Variants in LRRC7 observed in about 807,000 individuals in gnomAD.
LRRC7 encodes leucine-rich repeat-containing protein 7.
Under a neutral mutation model 175.7 loss-of-function variants are expected in LRRC7, and 23 were observed. The ratio of observed to expected loss-of-function variants is 0.13; its 90% CI spans 0.09 to 0.19. The LOEUF (loss-of-function observed/expected upper bound fraction) is 0.19, where lower values mean the gene tolerates loss of function less well. LRRC7 is among the 10% of genes least tolerant of loss of function. The pLI is 1.00. For synonymous variants in LRRC7, 685 were observed against 680.9 expected (o/e 1.01, Z -0.09); for missense variants, 1,354 against 1,904.7 (o/e 0.71, Z 5.38).
At chr1:69,761,661 G>A (rs1053061614) in intron 3 of LRRC7, among the ~76,000 whole-genome samples, 4 of 151,910 alleles carry the variant, frequency 2.6e-5, no homozygotes, top group African/African-American at 9.7e-5. Flanking sequence ...ATTCACACTA[G>A]GATTGCACAT....
At chr1:69,985,512 T>A (rs1465867479) in intron 9 of LRRC7, among the ~76,000 whole-genome samples, 1 of 152,238 alleles carries the variant, frequency 6.6e-6, no homozygotes, top group Admixed American at 6.5e-5. Context: ...ATAATTCACA[T>A]ACCATATACA....
intron 7 of LRRC7, among the ~76,000 whole-genome samples, chr1:69,856,655 C>G (rs574731584): frequency 6.6e-6 from 1 of 152,224 alleles, no homozygotes; most frequent in African/African-American, 2.4e-5. Flanking sequence ...CAGGACCAGA[C>G]GGATTCACAG....
chr1:69,568,033 G>A lies in LRRC7; in HGVS notation c.-607G>A, dbSNP rs953962335. On this transcript the variant is annotated 5_prime_UTR_variant, in exon 1 of 27. Transcript: ENST00000651989. ...AGCCCCAGTGCAGCGGGTTCTCGCC[G>A]GCGGGACCTGCAGCCGCCCACTCGG... is the stretch of plus-strand genomic sequence containing the variant. Among the ~76,000 whole-genome samples the A allele has an allele frequency of 6.6e-6, 1 of 152,108 alleles. No individual in the cohort carries two copies. Among genetic ancestry groups the A allele is most frequent in the African/African-American group, 2.4e-5 (1 of 41,448 alleles).
chr1:69,783,726 T>C (rs929968079), intron 3 of LRRC7, among the ~76,000 whole-genome samples: 1 of 127,248 alleles, frequency 7.9e-6, no homozygotes, highest in Non-Finnish European at 1.5e-5. Context: ...CACTCCAGCC[T>C]GGACGACAGA....
intron 23 of LRRC7, among the ~76,000 whole-genome samples, chr1:70,061,297 A>C (rs1321526492): frequency 1.3e-5 from 2 of 152,122 alleles, no homozygotes; most frequent in Non-Finnish European, 2.9e-5. Flanking sequence ...CAGCTTTCTA[A>C]ATGCTAGGAA....
At chr1:70,050,738 G>A (rs1660683662) in intron 22 of LRRC7, among the ~76,000 whole-genome samples, 2 of 151,830 alleles carry the variant, frequency 1.3e-5, no homozygotes, top group Non-Finnish European at 2.9e-5. Context: ...ATATACAATA[G>A]CTATACTCCT....
At chr1:69,978,035 C>CA (rs372235739) in intron 8 of LRRC7, among the ~76,000 whole-genome samples, 2,411 of 151,794 alleles carry the variant, frequency 0.016, 58 homozygotes, top group African/African-American at 0.052. Flanking sequence ...AGGAAAAAAA[C>CA]AAAAAAACAA....
chr1:69,678,132 A>G (rs1660025696), intron 1 of LRRC7, among the ~76,000 whole-genome samples: 1 of 152,020 alleles, frequency 6.6e-6, no homozygotes, highest in Non-Finnish European at 1.5e-5. Context: ...GCAGTCTCTA[A>G]TTAGAGAATG....
chr1:69,672,881 G>T (rs1176132029), intron 1 of LRRC7, among the ~76,000 whole-genome samples: 1 of 152,174 alleles, frequency 6.6e-6, no homozygotes, highest in Admixed American at 6.5e-5. Context: ...TTAATGAGCA[G>T]CCTGTCGGTT....
rs555015151 is a variant in LRRC7 at position 70,083,142 on chromosome 1, C to T, written c.4453-6585C>T. 2.6e-5 allele frequency among the ~76,000 whole-genome samples: 4 copies of T among 152,140 alleles called. No homozygotes were observed. The South Asian group carries it at 6.2e-4, about 24-fold the overall frequency. ...GAATTTTAGCTGGATTTGAATCTTT[C>T]ATTCACAAGAGGAAAAGATTTGAAT... On this transcript the variant is annotated intron_variant, in intron 24 of 26. Transcript: ENST00000651989.
intron 8 of LRRC7, among the ~76,000 whole-genome samples, chr1:69,937,255 G>A (rs1648138593): frequency 6.6e-6 from 1 of 151,962 alleles, no homozygotes; most frequent in African/African-American, 2.4e-5. Context: ...ATTTTAATGG[G>A]AACACCTATA....
intron 7 of LRRC7, among the ~76,000 whole-genome samples, chr1:69,929,720 A>T (rs561532244): frequency 6.6e-6 from 1 of 152,274 alleles, no homozygotes; most frequent in South Asian, 2.1e-4. Flanking sequence ...TCTGTTTATA[A>T]GCCTGCAATC....
chr1:69,674,293 C>G (rs1398986147), intron 1 of LRRC7, among the ~76,000 whole-genome samples: 3 of 152,054 alleles, frequency 2.0e-5, no homozygotes, highest in Non-Finnish European at 2.9e-5. Context: ...CTAGAAAAGT[C>G]CAGAAAAGAT....
chr1:69,651,435 T>A (rs1468926715), intron 1 of LRRC7, among the ~76,000 whole-genome samples: 4 of 152,212 alleles, frequency 2.6e-5, no homozygotes, highest in Non-Finnish European at 4.4e-5. Context: ...TCATTTTGTC[T>A]TGCTGTATCT....
intron 1 of LRRC7, among the ~76,000 whole-genome samples, chr1:69,666,749 C>CA (rs148913955): frequency 1.8e-4 from 27 of 149,850 alleles, no homozygotes; most frequent in South Asian, 4.2e-4. Flanking sequence ...TTTGCTTTTT[C>CA]AAAAAAAAAT....
intron 7 of LRRC7, among the ~76,000 whole-genome samples, chr1:69,863,515 C>T (rs1684587666): frequency 6.6e-6 from 1 of 152,080 alleles, no homozygotes; most frequent in Non-Finnish European, 1.5e-5. Context: ...AGCATTATTT[C>T]AACAAATATA....
Position 70,127,277 on chromosome 1 carries a change from C to T in LRRC7, c.*5390C>T, listed in dbSNP as rs1666490103. On this transcript the variant is annotated 3_prime_UTR_variant, in exon 27 of 27. Transcript: ENST00000651989. Reference sequence around the variant, plus strand: ...CTTACTGAGACAGGTTCCAATCTTCCTTACTTTCAACACTGCCTGCAAGAG... The same window carrying T: ...CTTACTGAGACAGGTTCCAATCTTCTTTACTTTCAACACTGCCTGCAAGAG... 6.6e-6 allele frequency among the ~76,000 whole-genome samples: 1 copy of T among 152,170 alleles called. No homozygotes were observed. The highest frequency in any genetic ancestry group is 2.4e-5 in the African/African-American group (1 of 41,432).
At position 69,631,070 on chromosome 1, in the gene LRRC7, C is replaced by T. The variant is rs186025624; in HGVS notation, c.3-47311C>T. Among the ~76,000 whole-genome samples, 827 of 151,834 alleles carry T rather than the reference C, an allele frequency of 5.4e-3. 8 individuals carry two copies. Among genetic ancestry groups the T allele is most frequent in the South Asian group, 0.026 (125 of 4,812 alleles). On this transcript the variant is annotated intron_variant, in intron 1 of 26. Coordinates refer to ENST00000651989, the MANE Select transcript of LRRC7 (RefSeq NM_001370785.2). ...AATAGAAGTACATATTTTCAGAGTACCTGTGATAATTTTATACATCCATAT... is the reference window on the plus strand; with the variant it reads ...AATAGAAGTACATATTTTCAGAGTATCTGTGATAATTTTATACATCCATAT...
At chr1:69,663,676 G>A (rs890470149) in intron 1 of LRRC7, among the ~76,000 whole-genome samples, 1 of 129,842 alleles carries the variant, frequency 7.7e-6, no homozygotes, top group African/African-American at 3.0e-5. Flanking sequence ...CCTACTCTCT[G>A]TCTCCATTAG....
Sources: gnomAD v4.1 joint callset for allele counts (sites outside exome capture counted in the v4.1 genomes callset) on GRCh38, gnomAD v4.1.1 for gene constraint, MANE v1.5 for transcripts, NCBI Gene and HGNC (gene_info 2026-07-23, HGNC 2026-07-21) for gene names.